The following P2RY6 variants were observed in gnomAD, a reference collection of about 807,000 sequenced individuals.
P2RY6 encodes pyrimidinergic receptor P2Y6.
A neutral mutation model predicts 16.3 loss-of-function variants in P2RY6; 19 were observed. That is an observed-to-expected ratio of 1.16 (90% confidence interval 0.81 to 1.71). The LOEUF (loss-of-function observed/expected upper bound fraction) is 1.71, where lower values mean the gene tolerates loss of function less well. P2RY6 is among the 40% of genes most tolerant of loss of function. The probability of loss-of-function intolerance (pLI) is 0.00; values close to 1 mark genes in which losing one functional copy is unlikely to be tolerated. For synonymous variants in P2RY6, 184 were observed against 201.5 expected, an observed-to-expected ratio of 0.91 and a Z score of 0.74; for missense variants, 389 against 455.5, an observed-to-expected ratio of 0.85 and a Z score of 1.33.
rs1044308127 is a variant in P2RY6, at chr11:73,297,800, C to G, written c.*295C>G. 3 of 436,836 alleles carry G rather than the reference C, an allele frequency of 6.9e-6. No individual in the cohort carries two copies. In the South Asian group the frequency reaches 1.2e-4, roughly 17 times the overall value. 27.1% of individuals were successfully genotyped at this position (436,836 alleles called of 1,614,324 possible). A position where few individuals can be genotyped will look rare whatever the true frequency, so the allele number is the denominator to read the frequency against. ...TCACAAAAATACAGTGTGACGTGTA[C>G]TGTCATCAAGGGGTATGCTCCATGC... On this transcript the variant is annotated 3_prime_UTR_variant, in exon 3 of 3. Coordinates refer to ENST00000540124, the MANE Select transcript of P2RY6 (RefSeq NM_001277204.2).
Position 73,295,783 on chromosome 11 carries a change from G to A in P2RY6, c.-67G>A, listed in dbSNP as rs963154547. The stretch of plus-strand genomic sequence containing the variant: ...GGCTTTGGAAGGCGGAGTTCAGGCT[G>A]AGGAGATGGGTGCGGTCCTCAGTGA... On this transcript the variant is annotated 5_prime_UTR_variant, in exon 2 of 3. Transcript: ENST00000540124. 11 of 985,270 alleles carry A rather than the reference G, an allele frequency of 1.1e-5. No homozygotes were observed. The highest frequency in any genetic ancestry group is 1.7e-5 in the African/African-American group (1 of 57,228). The allele number at this position is 985,270 out of a possible 1,614,324, so 61.0% of individuals were successfully genotyped here. A position where few individuals can be genotyped will look rare whatever the true frequency, so the allele number is the denominator to read the frequency against.
chr11:73,290,318 A>AGAAG (rs1420304948), intron 1 of P2RY6, among the ~76,000 whole-genome samples: 1 of 115,656 alleles, frequency 8.6e-6, no homozygotes, highest in Non-Finnish European at 1.9e-5. Context: ...AAAGAAAGAA[A>AGAAG]GAAAGAAAGA....
intron 2 of P2RY6, 136 bp from the exon 3 acceptor site, chr11:73,296,349 G>A (rs565076422): frequency 3.8e-5 from 26 of 679,742 alleles, no homozygotes; most frequent in East Asian, 1.1e-4. Context: ...GGGGCTTCAC[G>A]GGGTGGTTAG....
At chr11:73,270,723 G>A (rs771734742), upstream of P2RY6, among the ~76,000 whole-genome samples, 21 of 152,156 alleles carry the variant, frequency 1.4e-4, no homozygotes, top group Non-Finnish European at 2.6e-4. Flanking sequence ...GCCCTGAGTT[G>A]CTGCCTGTGC....
At chr11:73,272,244 A>C (rs138103829), upstream of P2RY6, 2 of 606,760 alleles carry the variant, frequency 3.3e-6, no homozygotes, top group East Asian at 2.8e-4. Flanking sequence ...GGTTCTCGGG[A>C]TTCGAGTCCT....
chr11:73,276,503 C>T (rs964863109), intron 1 of P2RY6, among the ~76,000 whole-genome samples: 48 of 152,120 alleles, frequency 3.2e-4, no homozygotes, highest in African/African-American at 1.1e-3. Context: ...AATTATGTGG[C>T]TTATCCATAT....
At chr11:73,284,092 G>C (rs1565166847) in intron 1 of P2RY6, among the ~76,000 whole-genome samples, 1 of 152,118 alleles carries the variant, frequency 6.6e-6, no homozygotes, top group Non-Finnish European at 1.5e-5. Context: ...TTGAGGGTAT[G>C]GGGCTGACAA....
chr11:73,292,612 T>G (rs2135750655), intron 1 of P2RY6, among the ~76,000 whole-genome samples: 1 of 152,208 alleles, frequency 6.6e-6, no homozygotes, highest in East Asian at 1.9e-4. Context: ...TCTGCCCCCA[T>G]CCCCCTCTTT....
upstream of P2RY6, among the ~76,000 whole-genome samples, chr11:73,269,039 G>A (rs1863197875): frequency 1.3e-5 from 2 of 152,208 alleles, no homozygotes; most frequent in South Asian, 4.1e-4. Flanking sequence ...CCAGAGCCAG[G>A]AAGGAAGACA....
At chr11:73,288,702 G>A (rs1437813551) in intron 1 of P2RY6, among the ~76,000 whole-genome samples, 5 of 152,236 alleles carry the variant, frequency 3.3e-5, no homozygotes, top group African/African-American at 1.2e-4. Context: ...GATGACTGGG[G>A]CACAGAGGGT....
intron 1 of P2RY6, 25 bp from the exon 2 acceptor site, chr11:73,295,705 A>G: frequency 3.2e-5 from 26 of 814,382 alleles, no homozygotes; most frequent in Non-Finnish European, 3.9e-5. Context: ...GGAACTGGGT[A>G]TCACCTCCTT....
chr11:73,292,966 C>CGGGGGGGGGGGGGGG (rs1393817542), intron 1 of P2RY6: 2 of 18,352 alleles, frequency 1.1e-4, no homozygotes, highest in Non-Finnish European at 6.8e-5. Flanking sequence ...GCAGGGGTTG[C>CGGGGGGGGGGGGGGG]GGGGGGTGGG....
intron 1 of P2RY6, among the ~76,000 whole-genome samples, chr11:73,266,503 A>T (rs1317323597): frequency 6.6e-6 from 1 of 152,180 alleles, no homozygotes; most frequent in Non-Finnish European, 1.5e-5. Flanking sequence ...AGGCCCTGAG[A>T]GCTGAAAGGG....
chr11:73,296,773 C>T lies in P2RY6; in HGVS notation c.255C>T (p.Asn85=). ...GCTCCCTGCCCCTGCTCATCTACAACTATGCCCAAGGTGATCACTGGCCCT... is the reference window on the plus strand; with the variant it reads ...GCTCCCTGCCCCTGCTCATCTACAATTATGCCCAAGGTGATCACTGGCCCT... ...YACSLPLLIY[N]YAQGDHWPFG... is the part of the protein sequence containing the mutation. The change falls in exon 3 of 3, where the codon AAC becomes AAT. Residue 85 remains asparagine, a synonymous_variant. Coordinates refer to ENST00000540124, the MANE Select transcript of P2RY6 (RefSeq NM_001277204.2). 1 of 1,612,508 alleles carries T rather than the reference C, an allele frequency of 6.2e-7. No homozygotes were observed.
intron 1 of P2RY6, among the ~76,000 whole-genome samples, chr11:73,293,553 G>C (rs1864357451): frequency 6.6e-6 from 1 of 152,220 alleles, no homozygotes. Flanking sequence ...CTGCTGCCTG[G>C]AGGTGGGAGC....
intron 1 of P2RY6, among the ~76,000 whole-genome samples, chr11:73,273,773 T>A (rs1480175033): frequency 3.3e-5 from 5 of 152,142 alleles, no homozygotes; most frequent in Admixed American, 1.3e-4. Context: ...CACCACCTGT[T>A]TTTCCATCTG....
Position 73,296,537 on chromosome 11 carries a change from A to T in P2RY6, c.19A>T (p.Thr7Ser), listed in dbSNP as rs1385508082. 1 of 1,613,836 alleles carries T rather than the reference A, an allele frequency of 6.2e-7. No individual in the cohort carries two copies. Among genetic ancestry groups the T allele is most frequent in the Non-Finnish European group, 8.5e-7 (1 of 1,179,892 alleles). Residue 7 changes from threonine (T) to serine (S), a missense_variant, in exon 3 of 3, where the codon ACA (threonine) becomes TCA (serine). By Grantham distance (58) the Thr-to-Ser change is moderately conservative. Coordinates refer to ENST00000540124, the MANE Select transcript of P2RY6 (RefSeq NM_001277204.2). ...GGCAGCCATGGAATGGGACAATGGC[A>T]CAGGCCAGGCTCTGGGCTTGCCACC... MEWDNGTGQALGLPPTT... is the reference protein window; with the variant it reads MEWDNGSGQALGLPPTT...
intron 2 of P2RY6, among the ~76,000 whole-genome samples, chr11:73,296,231 AAAATATATAT>A (rs1202880029): frequency 1.6e-5 from 2 of 123,072 alleles, no homozygotes; most frequent in African/African-American, 8.7e-5. Context: ...AGGAAAAAAA[AAAATATATAT>A]ATATATATAT....
upstream of P2RY6, chr11:73,272,254 TG>T: frequency 1.4e-6 from 1 of 729,322 alleles, no homozygotes; most frequent in Non-Finnish European, 1.7e-6. Context: ...ATTCGAGTCC[TG>T]GCCCTGCTGC....
Sources: allele counts gnomAD v4.1 joint callset (sites outside exome capture counted in the v4.1 genomes callset), GRCh38; gene constraint gnomAD v4.1.1; transcripts MANE v1.5; gene names NCBI Gene and HGNC (gene_info 2026-07-23, HGNC 2026-07-21).